ATP2B4: variants seen among roughly 807,000 people sequenced by gnomAD.
ATP2B4 encodes the protein ATPase plasma membrane Ca2+ transporting 4.
In ATP2B4, 39 loss-of-function variants were observed where a neutral mutation model predicts 110.3. The observed-to-expected ratio is 0.35, with a 90% CI of 0.27 to 0.46. The LOEUF (loss-of-function observed/expected upper bound fraction) is 0.46. Among genes scored for constraint, ATP2B4 ranks in the 20% least tolerant of loss-of-function variants. ATP2B4 has a pLI of 1.00. For missense variants in ATP2B4, 1,135 were observed against 1,530.9 expected, an observed-to-expected ratio of 0.74 and a Z score of 4.32; for synonymous variants, 538 against 571.7, an observed-to-expected ratio of 0.94 and a Z score of 0.84.
Position 203,709,350 on chromosome 1 carries a change from A to C in ATP2B4, c.1607A>C (p.Glu536Ala), listed in dbSNP as rs756175106. 2 of 1,614,122 alleles carry C rather than the reference A, an allele frequency of 1.2e-6. No homozygotes were observed. Among genetic ancestry groups the C allele is most frequent in the South Asian group, 2.2e-5 (2 of 91,078 alleles). Residue 536 changes from glutamate (E) to alanine (A), a missense_variant, in exon 11 of 21, where the codon GAG becomes GCG. Glu to Ala is a moderately radical substitution (Grantham distance 107). Transcript: ENST00000357681. ...GLPRQVGNKTECALLGFVTDL... is the reference protein window; with the variant it reads ...GLPRQVGNKTACALLGFVTDL... ...CCTCGGCAGGTGGGCAACAAGACCG[A>C]GTGTGCTCTGCTAGGCTTTGTCACA...
intron 1 of ATP2B4, among the ~76,000 whole-genome samples, chr1:203,661,467 C>T (rs1453037831): frequency 6.6e-6 from 1 of 152,110 alleles, no homozygotes; most frequent in Non-Finnish European, 1.5e-5. Flanking sequence ...GACTTAGTTC[C>T]CCATCTTGGG....
intron 1 of ATP2B4, among the ~76,000 whole-genome samples, chr1:203,670,538 T>C (rs933387036): frequency 6.6e-6 from 1 of 152,204 alleles, no homozygotes. Context: ...TAATTCATAG[T>C]TAGTACTTTT....
chr1:203,711,607 G>A (rs1249566513), intron 12 of ATP2B4, among the ~76,000 whole-genome samples: 1 of 152,112 alleles, frequency 6.6e-6, no homozygotes, highest in Non-Finnish European at 1.5e-5. Context: ...GGTGGAGAGT[G>A]GCAAAAGCTT....
At chr1:203,684,992 T>C (rs1052952915) in intron 2 of ATP2B4, among the ~76,000 whole-genome samples, 4 of 152,098 alleles carry the variant, frequency 2.6e-5, no homozygotes, top group Non-Finnish European at 5.9e-5. Context: ...GCCTCCTGAG[T>C]AGCTGGGGTT....
At chr1:203,657,223 A>C in intron 1 of ATP2B4, 1 of 732,008 alleles carries the variant, frequency 1.4e-6, no homozygotes, top group Non-Finnish European at 2.5e-6. Flanking sequence ...CTTGAAATGC[A>C]TATTGGCCTG....
intron 1 of ATP2B4, among the ~76,000 whole-genome samples, chr1:203,678,554 C>G (rs1664899392): frequency 6.6e-6 from 1 of 152,088 alleles, no homozygotes; most frequent in African/African-American, 2.4e-5. Context: ...CAGGTGTGCG[C>G]CATCATGCCC....
chr1:203,705,176 A>G (rs1307321131), intron 8 of ATP2B4, among the ~76,000 whole-genome samples: 2 of 152,206 alleles, frequency 1.3e-5, no homozygotes, highest in African/African-American at 4.8e-5. Context: ...ATAAATAGAG[A>G]ACTTCTTAAG....
intron 4 of ATP2B4, 142 bp from the exon 5 acceptor site, chr1:203,700,064 C>A (rs781643756): frequency 3.9e-6 from 4 of 1,022,028 alleles, no homozygotes; most frequent in African/African-American, 1.6e-5. Context: ...TGTAAAGAGT[C>A]TCCATGTACT....
chr1:203,729,282 C>T (rs1431555715), intron 20 of ATP2B4, among the ~76,000 whole-genome samples: 1 of 151,942 alleles, frequency 6.6e-6, no homozygotes, highest in Non-Finnish European at 1.5e-5. Flanking sequence ...TGCGGTGGCT[C>T]ACGCCTGTAA....
At chr1:203,690,985 G>T (rs1390374985) in intron 2 of ATP2B4, among the ~76,000 whole-genome samples, 1 of 152,154 alleles carries the variant, frequency 6.6e-6, no homozygotes, top group African/African-American at 2.4e-5. Flanking sequence ...CTTCTTGTAG[G>T]CTGTGGGTTC....
chr1:203,686,477 G>A (rs1203121531), intron 2 of ATP2B4, among the ~76,000 whole-genome samples: 1 of 151,956 alleles, frequency 6.6e-6, no homozygotes, highest in Non-Finnish European at 1.5e-5. Context: ...TGTCAACATT[G>A]GATATCAAAT....
intron 1 of ATP2B4, among the ~76,000 whole-genome samples, chr1:203,642,501 G>A (rs1009191583): frequency 2.0e-5 from 3 of 152,342 alleles, no homozygotes; most frequent in Middle Eastern, 3.4e-3. Context: ...ATTTAGCCCT[G>A]TAAGAGGAGC....
chr1:203,681,472 G>A (rs538290822), intron 1 of ATP2B4, among the ~76,000 whole-genome samples: 34 of 152,300 alleles, frequency 2.2e-4, no homozygotes, highest in African/African-American at 7.5e-4. Context: ...AACTGAAGTC[G>A]TCAGTGGGGA....
At chr1:203,727,236 G>C (rs929275303) in intron 19 of ATP2B4, among the ~76,000 whole-genome samples, 159 bp from the exon 20 acceptor site, 3 of 152,212 alleles carry the variant, frequency 2.0e-5, no homozygotes, top group Non-Finnish European at 4.4e-5. Flanking sequence ...CTTGGAGAAT[G>C]CTTGCCTGGA....
intron 2 of ATP2B4, among the ~76,000 whole-genome samples, chr1:203,685,963 A>G (rs901587408): frequency 2.6e-5 from 4 of 151,978 alleles, no homozygotes; most frequent in African/African-American, 4.8e-5. Flanking sequence ...CTGTGTGTGT[A>G]ACTGCAACTA....
At chr1:203,684,561 T>C (rs527473994) in intron 2 of ATP2B4, among the ~76,000 whole-genome samples, 1 of 152,138 alleles carries the variant, frequency 6.6e-6, no homozygotes, top group East Asian at 1.9e-4. Flanking sequence ...TTTCACCCTG[T>C]GGGTCAGGCT....
intron 1 of ATP2B4, among the ~76,000 whole-genome samples, chr1:203,643,786 A>G (rs1237555704): frequency 6.6e-6 from 1 of 152,198 alleles, no homozygotes; most frequent in Non-Finnish European, 1.5e-5. Context: ...GAACAGGCTT[A>G]TGGCAGCATG....
chr1:203,733,169 CCTCT>C (rs1246110842), intron 20 of ATP2B4: 2 of 1,516,104 alleles, frequency 1.3e-6, no homozygotes, highest in East Asian at 2.3e-5. Context: ...TCTTTCTTCA[CCTCT>C]CTCGGACTGA....
intron 8 of ATP2B4, among the ~76,000 whole-genome samples, chr1:203,705,880 G>A (rs1010637813): frequency 2.0e-5 from 3 of 152,174 alleles, no homozygotes; most frequent in African/African-American, 7.2e-5. Context: ...ACTCTCAGTG[G>A]CTTGCTTCTC....
Sources: allele counts gnomAD v4.1 joint callset (sites outside exome capture counted in the v4.1 genomes callset), GRCh38; gene constraint gnomAD v4.1.1; transcripts MANE v1.5; gene names NCBI Gene and HGNC (gene_info 2026-07-23, HGNC 2026-07-21).